Variants in PTPN12 observed in about 807,000 individuals in gnomAD.
PTPN12 encodes the protein protein tyrosine phosphatase non-receptor type 12.
Under a neutral mutation model 97.6 loss-of-function variants are expected in PTPN12, and 29 were observed. The ratio of observed to expected loss-of-function variants is 0.30; its 90% CI spans 0.22 to 0.41. The LOEUF (loss-of-function observed/expected upper bound fraction) is 0.41. Ranked by LOEUF, PTPN12 falls within the 10% of genes least tolerant of loss-of-function variation. The probability of loss-of-function intolerance (pLI) is 1.00; values close to 1 mark genes in which losing one functional copy is unlikely to be tolerated. For synonymous variants in PTPN12, 327 were observed against 300.4 expected (o/e 1.09, Z -0.91); for missense variants, 819 against 926.0 (o/e 0.88, Z 1.50).
At chr7:77,585,626 A>G in intron 5 of PTPN12, 45 bp downstream of exon 5, 1 of 1,487,046 alleles carries the variant, frequency 6.7e-7, no homozygotes, top group Non-Finnish European at 9.4e-7. Flanking sequence ...TTACGGATAA[A>G]TATTCTTAGT....
chr7:77,610,225 T>C (rs1472511335), intron 9 of PTPN12, among the ~76,000 whole-genome samples: 1 of 152,222 alleles, frequency 6.6e-6, no homozygotes, highest in African/African-American at 2.4e-5. Context: ...ACCTAGGTCT[T>C]TTAGCTGGTC....
At chr7:77,572,832 C>A (rs534294541) in intron 2 of PTPN12, among the ~76,000 whole-genome samples, 3 of 152,148 alleles carry the variant, frequency 2.0e-5, no homozygotes, top group African/African-American at 7.2e-5. Flanking sequence ...CGCCTATAAT[C>A]CCAGCACTTT....
chr7:77,583,493 T>C (rs1346652760), intron 3 of PTPN12, 62 bp from the exon 4 acceptor site: 2 of 1,011,080 alleles, frequency 2.0e-6, no homozygotes, highest in Middle Eastern at 2.1e-4. Context: ...CCTTATATTT[T>C]GGGTAATGAA....
chr7:77,560,092 G>A lies in PTPN12; in HGVS notation c.100-10986G>A, dbSNP rs150610742. On this transcript the variant is annotated intron_variant, in intron 1 of 17. Coordinates refer to ENST00000248594, the MANE Select transcript of PTPN12 (RefSeq NM_002835.4). ...AGGTGGAGTTAATGTGAAGCCAGTCGTCGTCATAAAAGTGATAATTGAGTT... is the reference window on the plus strand; with the variant it reads ...AGGTGGAGTTAATGTGAAGCCAGTCATCGTCATAAAAGTGATAATTGAGTT... Among the ~76,000 whole-genome samples the A allele has an allele frequency of 5.0e-3, 762 of 152,286 alleles. 3 individuals carry two copies. Among genetic ancestry groups the A allele is most frequent in the Non-Finnish European group, 5.9e-3 (400 of 68,020 alleles).
chr7:77,612,099 C>G (rs1268386667), intron 11 of PTPN12, among the ~76,000 whole-genome samples: 1 of 151,690 alleles, frequency 6.6e-6, no homozygotes, highest in African/African-American at 2.4e-5. Context: ...CTTCATTTTC[C>G]TTTTCTCCCT....
chr7:77,558,367 A>C (rs562970097), intron 1 of PTPN12, among the ~76,000 whole-genome samples: 1 of 152,312 alleles, frequency 6.6e-6, no homozygotes, highest in Non-Finnish European at 1.5e-5. Flanking sequence ...ATAAATGTAC[A>C]TACTCTTTGA....
intron 1 of PTPN12, among the ~76,000 whole-genome samples, chr7:77,551,972 G>A (rs1807498559): frequency 6.6e-6 from 1 of 152,160 alleles, no homozygotes; most frequent in Admixed American, 6.5e-5. Flanking sequence ...CATAGGGTGG[G>A]TGGTTATTAG....
chr7:77,616,802 A>G (rs780431908), intron 11 of PTPN12, among the ~76,000 whole-genome samples: 3 of 151,768 alleles, frequency 2.0e-5, no homozygotes, highest in Non-Finnish European at 4.4e-5. Flanking sequence ...TTTTTTTTTG[A>G]GACGGAGTCT....
intron 1 of PTPN12, among the ~76,000 whole-genome samples, chr7:77,557,992 C>T (rs979645234): frequency 2.2e-4 from 34 of 152,106 alleles, no homozygotes; most frequent in African/African-American, 7.2e-4. Flanking sequence ...GGGCAGATCA[C>T]GTGAGCTCAG....
intron 16 of PTPN12, among the ~76,000 whole-genome samples, 196 bp downstream of exon 16, chr7:77,637,244 G>T (rs574294605): frequency 6.6e-6 from 1 of 152,130 alleles, no homozygotes; most frequent in Non-Finnish European, 1.5e-5. Context: ...GTATTGATCT[G>T]GAAAATCATG....
chr7:77,592,396 T>C, intron 6 of PTPN12, 140 bp downstream of exon 6: 1 of 641,432 alleles, frequency 1.6e-6, no homozygotes, highest in East Asian at 3.2e-5. Flanking sequence ...AAAAAAATTT[T>C]GTTTATATAC....
rs6953999 is a variant in PTPN12 at position 77,625,536 on chromosome 7, A to C, written c.1026-1169A>C. Among the ~76,000 whole-genome samples, 27 of 17,554 alleles carry C rather than the reference A, an allele frequency of 1.5e-3. 1 individual carries two copies. The highest frequency in any genetic ancestry group is 3.7e-3 in the East Asian group (2 of 546). 11.5% of individuals were successfully genotyped at this position (17,554 alleles called of 152,430 possible). On this transcript the variant is annotated intron_variant, in intron 12 of 17. Transcript: ENST00000248594. Reference sequence around the variant, plus strand: ...CTCTCTCTCTCTCACTCTCACTCTCACTCGCGCTCTCTCTCTCGCTCTCTC... The same window carrying C: ...CTCTCTCTCTCTCACTCTCACTCTCCCTCGCGCTCTCTCTCTCGCTCTCTC...
intron 14 of PTPN12, among the ~76,000 whole-genome samples, chr7:77,633,268 C>CT (rs1158880215): frequency 1.7e-5 from 2 of 119,426 alleles, no homozygotes; most frequent in Admixed American, 1.8e-4. Flanking sequence ...GAAACTCCAT[C>CT]TTAAAAAAAA....
chr7:77,576,927 C>G (rs535450690), intron 2 of PTPN12, among the ~76,000 whole-genome samples: 129 of 152,278 alleles, frequency 8.5e-4, no homozygotes, highest in African/African-American at 2.9e-3. Context: ...GGCAGAAAAG[C>G]CAGCTGGGAG....
chr7:77,566,108 G>C (rs1223622776), intron 1 of PTPN12, among the ~76,000 whole-genome samples: 5 of 152,190 alleles, frequency 3.3e-5, no homozygotes, highest in Non-Finnish European at 5.9e-5. Flanking sequence ...TTTAGCCAGA[G>C]CCCTACTCAC....
At chr7:77,611,320 T>C (rs1788562027) in intron 11 of PTPN12, among the ~76,000 whole-genome samples, 1 of 152,258 alleles carries the variant, frequency 6.6e-6, no homozygotes, top group South Asian at 2.1e-4. Flanking sequence ...TTTTACTTTT[T>C]TAAAAAATAA....
chr7:77,634,124 C>G (rs1047736040), intron 14 of PTPN12, among the ~76,000 whole-genome samples: 1 of 151,946 alleles, frequency 6.6e-6, no homozygotes, highest in African/African-American at 2.4e-5. Flanking sequence ...TGCTTGATCC[C>G]TGTAGTTGGA....
At chr7:77,538,332 G>T (rs1382443325) in intron 1 of PTPN12, among the ~76,000 whole-genome samples, 2 of 152,096 alleles carry the variant, frequency 1.3e-5, no homozygotes, top group African/African-American at 4.8e-5. Flanking sequence ...TATAGGTTCA[G>T]GGGATAAGTG....
chr7:77,564,746 G>GGTTTTTTTTTTTTTTTTTTTTT (rs1808162192), intron 1 of PTPN12, among the ~76,000 whole-genome samples: 1 of 45,370 alleles, frequency 2.2e-5, no homozygotes, highest in African/African-American at 9.0e-5. Flanking sequence ...TTGTTGTCGT[G>GGTTTTTTTTTTTTTTTTTTTTT]TTTTTTTTTT....
Sources: allele counts gnomAD v4.1 joint callset (sites outside exome capture counted in the v4.1 genomes callset), GRCh38; gene constraint gnomAD v4.1.1; transcripts MANE v1.5; gene names NCBI Gene and HGNC (gene_info 2026-07-23, HGNC 2026-07-21).